The following CSMD1 variants were observed in gnomAD, a reference collection of about 807,000 sequenced individuals.
CSMD1 encodes the protein CUB and Sushi multiple domains 1.
CSMD1 carries 213 observed loss-of-function variants against 417.5 expected under a neutral mutation model. The ratio of observed to expected loss-of-function variants is 0.51; its 90% CI spans 0.46 to 0.57. CSMD1 has a LOEUF of 0.57. Ranked by LOEUF, CSMD1 falls within the 20% of genes least tolerant of loss-of-function variation. The pLI is 0.00. For synonymous variants in CSMD1, 2,862 were observed against 1,736.8 expected (o/e 1.65, Z -16.11); for missense variants, 6,923 against 4,529.7 (o/e 1.53, Z -15.17).
At chr8:4,492,198 G>A (rs540477682) in intron 2 of CSMD1, among the ~76,000 whole-genome samples, 7 of 152,252 alleles carry the variant, frequency 4.6e-5, no homozygotes, top group African/African-American at 1.7e-4. Context: ...CAAGGGATCT[G>A]CCCACCTCAG....
intron 6 of CSMD1, among the ~76,000 whole-genome samples, chr8:3,746,994 G>C (rs762472283): frequency 6.6e-6 from 1 of 152,188 alleles, no homozygotes; most frequent in Non-Finnish European, 1.5e-5. Context: ...ATCCGAAAAA[G>C]TTCCTCCTTT....
intron 2 of CSMD1, among the ~76,000 whole-genome samples, chr8:4,540,249 AGCAAGAAGTAAAAT>A (rs1234753731): frequency 6.6e-6 from 1 of 152,220 alleles, no homozygotes; most frequent in African/African-American, 2.4e-5. Flanking sequence ...GGTAGATTCC[AGCAAGAAGTAAAAT>A]AAGGAAAGAT....
Position 4,267,199 on chromosome 8 carries a change from C to G in CSMD1, c.415+152754G>C, listed in dbSNP as rs1344245907. Among the ~76,000 whole-genome samples, 2 of 102,650 alleles carry G rather than the reference C, an allele frequency of 1.9e-5. 1 individual carries two copies. The highest frequency in any genetic ancestry group is 5.2e-4 in the East Asian group (2 of 3,858). 67.3% of individuals were successfully genotyped at this position (102,650 alleles called of 152,430 possible). A position where few individuals can be genotyped will look rare whatever the true frequency, so the allele number is the denominator to read the frequency against. On this transcript the variant is annotated intron_variant, in intron 3 of 69. Transcript: ENST00000635120. ...TTCATTAATTCCAAAAAATGCACAA[C>G]AAAAGAATCCATTAACAACAGTTAT...
chr8:4,562,599 TA>T (rs112183010), intron 2 of CSMD1, among the ~76,000 whole-genome samples: 449 of 152,226 alleles, frequency 2.9e-3, no homozygotes, highest in South Asian at 0.02. Context: ...ATAATATCTT[TA>T]AAAATTTAAA....
intron 1 of CSMD1, among the ~76,000 whole-genome samples, chr8:4,944,050 G>T (rs1393323272): frequency 6.6e-6 from 1 of 152,178 alleles, no homozygotes; most frequent in Non-Finnish European, 1.5e-5. Context: ...TCTGGGGAAA[G>T]AAGTGAGGAA....
At chr8:4,958,188 T>C (rs1352830899) in intron 1 of CSMD1, among the ~76,000 whole-genome samples, 5 of 152,200 alleles carry the variant, frequency 3.3e-5, no homozygotes, top group Non-Finnish European at 7.3e-5. Flanking sequence ...GTGTTTAACA[T>C]ACTCTGTTTC....
intron 7 of CSMD1, among the ~76,000 whole-genome samples, chr8:3,636,125 C>T (rs953658201): frequency 4.6e-5 from 7 of 152,134 alleles, no homozygotes; most frequent in Non-Finnish European, 8.8e-5. Context: ...GGCAGAAACA[C>T]ACACATTAGC....
intron 3 of CSMD1, among the ~76,000 whole-genome samples, chr8:4,219,181 G>A (rs184993055): frequency 9.9e-5 from 15 of 152,102 alleles, no homozygotes; most frequent in Admixed American, 3.3e-4. Context: ...CTCCCCTCCC[G>A]TGTTCTGCAG....
intron 1 of CSMD1, among the ~76,000 whole-genome samples, chr8:4,804,165 T>C (rs1038306490): frequency 5.3e-5 from 8 of 152,212 alleles, no homozygotes; most frequent in Non-Finnish European, 1.0e-4. Flanking sequence ...CCTTGTATTC[T>C]GAATGGAACC....
intron 18 of CSMD1, among the ~76,000 whole-genome samples, chr8:3,379,687 C>A (rs556796398): frequency 1.3e-5 from 2 of 152,276 alleles, no homozygotes; most frequent in South Asian, 4.1e-4. Context: ...GGAAAACTGG[C>A]TAGCCATATG....
chr8:3,037,292 G>GGGTT (rs1810752452), intron 50 of CSMD1, among the ~76,000 whole-genome samples: 1 of 98,938 alleles, frequency 1.0e-5, no homozygotes, highest in Non-Finnish European at 2.6e-5. Context: ...TGCAAGCTCC[G>GGGTT]CCTCCTGGGT....
At chr8:4,290,601 A>C (rs1349609740) in intron 3 of CSMD1, among the ~76,000 whole-genome samples, 1 of 152,232 alleles carries the variant, frequency 6.6e-6, no homozygotes, top group Non-Finnish European at 1.5e-5. Flanking sequence ...CAATTTACCA[A>C]GGACAGGTAG....
At chr8:3,883,479 T>G (rs1388180163) in intron 5 of CSMD1, among the ~76,000 whole-genome samples, 4 of 152,160 alleles carry the variant, frequency 2.6e-5, no homozygotes, top group Non-Finnish European at 5.9e-5. Context: ...TATATGTATA[T>G]GCACACAAAT....
At chr8:3,734,024 G>C (rs2623698) in intron 6 of CSMD1, among the ~76,000 whole-genome samples, 1 of 151,396 alleles carries the variant, frequency 6.6e-6, no homozygotes, top group African/African-American at 2.4e-5. Flanking sequence ...GTATATGGCA[G>C]TGAATAAACT....
At chr8:3,406,447 T>C (rs1000503526) in intron 14 of CSMD1, among the ~76,000 whole-genome samples, 2 of 152,188 alleles carry the variant, frequency 1.3e-5, no homozygotes, top group African/African-American at 2.4e-5. Context: ...CTATCATTTA[T>C]GCAGCAATTT....
At chr8:3,863,923 A>T (rs1431736655) in intron 5 of CSMD1, among the ~76,000 whole-genome samples, 1 of 152,192 alleles carries the variant, frequency 6.6e-6, no homozygotes, top group African/African-American at 2.4e-5. Flanking sequence ...TTAGAAGCTT[A>T]TGGAAAAATG....
chr8:3,640,529 G>T (rs1164708582), intron 7 of CSMD1, among the ~76,000 whole-genome samples: 1 of 152,122 alleles, frequency 6.6e-6, no homozygotes, highest in Admixed American at 6.5e-5. Flanking sequence ...AGAAAAATGT[G>T]GAAGCATAAA....
intron 4 of CSMD1, among the ~76,000 whole-genome samples, chr8:4,023,492 G>C (rs1796891069): frequency 6.6e-6 from 1 of 152,078 alleles, no homozygotes; most frequent in Non-Finnish European, 1.5e-5. Context: ...TGGAATCACA[G>C]AAGAGGAAGT....
intron 7 of CSMD1, among the ~76,000 whole-genome samples, chr8:3,675,857 T>G (rs1799346981): frequency 2.0e-5 from 3 of 152,186 alleles, no homozygotes; most frequent in Admixed American, 2.0e-4. Flanking sequence ...TATGCAAATT[T>G]TCTAGACTAA....
Sources: allele counts gnomAD v4.1 joint callset (sites outside exome capture counted in the v4.1 genomes callset), GRCh38; gene constraint gnomAD v4.1.1; transcripts MANE v1.5; gene names NCBI Gene and HGNC (gene_info 2026-07-23, HGNC 2026-07-21).